GASK1B: variants seen among roughly 807,000 people sequenced by gnomAD.
GASK1B encodes golgi associated kinase 1B, also known as Golgi-associated kinase 1B.
In GASK1B, 34 loss-of-function variants were observed where a neutral mutation model predicts 42.8. The observed-to-expected ratio is 0.79, with a 90% CI of 0.60 to 1.06. The LOEUF (loss-of-function observed/expected upper bound fraction) is 1.06. Ranked by LOEUF, GASK1B falls within the 50% of genes least tolerant of loss-of-function variation. The probability of loss-of-function intolerance (pLI) is 0.00; values close to 1 mark genes in which losing one functional copy is unlikely to be tolerated. For missense variants in GASK1B, 686 were observed against 661.0 expected (o/e 1.04, Z -0.42); for synonymous variants, 262 against 259.1 (o/e 1.01, Z -0.11).
chr4:158,157,542 G>A (rs1731802373), intron 2 of GASK1B, among the ~76,000 whole-genome samples: 1 of 152,026 alleles, frequency 6.6e-6, no homozygotes, highest in Non-Finnish European at 1.5e-5. Flanking sequence ...CACACACACA[G>A]CCTCCAAACG....
chr4:158,164,420 C>T (rs565592360), intron 2 of GASK1B, among the ~76,000 whole-genome samples: 4 of 152,200 alleles, frequency 2.6e-5, no homozygotes, highest in Non-Finnish European at 4.4e-5. Context: ...CCCGGTTCCC[C>T]GTTTGCCTAT....
At chr4:158,146,452 A>G (rs1387889002) in intron 3 of GASK1B, among the ~76,000 whole-genome samples, 1 of 152,174 alleles carries the variant, frequency 6.6e-6, no homozygotes, top group East Asian at 1.9e-4. Context: ...CAGTTGCTTA[A>G]TTCATAAGTA....
chr4:158,166,989 C>G (rs2111020142), intron 2 of GASK1B, among the ~76,000 whole-genome samples: 1 of 152,254 alleles, frequency 6.6e-6, no homozygotes, highest in South Asian at 2.1e-4. Context: ...GCCTTTCTTT[C>G]ATCTCTAAAA....
chr4:158,155,161 C>A (rs1237320130), intron 3 of GASK1B, among the ~76,000 whole-genome samples: 2 of 152,044 alleles, frequency 1.3e-5, no homozygotes, highest in Non-Finnish European at 2.9e-5. Flanking sequence ...AACTTAAGAT[C>A]GACAAAGCAG....
chr4:158,158,406 A>G (rs1731838381), intron 2 of GASK1B, among the ~76,000 whole-genome samples: 1 of 152,064 alleles, frequency 6.6e-6, no homozygotes, highest in Admixed American at 6.6e-5. Context: ...ACATATATAA[A>G]CAGATAAATG....
chr4:158,147,200 G>A (rs1381672318), intron 3 of GASK1B, among the ~76,000 whole-genome samples: 1 of 152,098 alleles, frequency 6.6e-6, no homozygotes, highest in Non-Finnish European at 1.5e-5. Flanking sequence ...GAGAAAGAGT[G>A]TATAGATAAT....
intron 2 of GASK1B, among the ~76,000 whole-genome samples, chr4:158,156,119 A>G (rs1042185964): frequency 6.6e-6 from 1 of 152,200 alleles, no homozygotes; most frequent in Non-Finnish European, 1.5e-5. Context: ...ACAACGTCCT[A>G]TGGTTAATGT....
Position 158,170,450 on chromosome 4 carries a change from C to A in GASK1B, c.910+16G>T, listed in dbSNP as rs1314301636. The stretch of plus-strand genomic sequence containing the variant: ...TCCCCAACAGCTGCAAATAACGAAG[C>A]ATGTGAATCTGTTACCTTGGATGAA... On this transcript the variant is annotated intron_variant, in intron 2 of 4. Transcript: ENST00000585682. The A allele has an allele frequency of 6.2e-6, 10 of 1,614,090 alleles. No individual in the cohort carries two copies. The highest frequency in any genetic ancestry group is 8.5e-6 in the Non-Finnish European group (10 of 1,180,044).
chr4:158,128,835 C>G (rs1247492480), intron 4 of GASK1B, among the ~76,000 whole-genome samples: 2 of 152,210 alleles, frequency 1.3e-5, no homozygotes, highest in African/African-American at 4.8e-5. Context: ...GAAGACATTA[C>G]TATATAGTTT....
intron 3 of GASK1B, among the ~76,000 whole-genome samples, chr4:158,151,553 G>A (rs748708290): frequency 3.9e-5 from 6 of 152,158 alleles, no homozygotes; most frequent in Non-Finnish European, 5.9e-5. Context: ...GCAGGATAAT[G>A]TGAACCAAAA....
At chr4:158,151,593 T>C (rs560601103) in intron 3 of GASK1B, among the ~76,000 whole-genome samples, 21 of 152,298 alleles carry the variant, frequency 1.4e-4, no homozygotes, top group African/African-American at 4.8e-4. Context: ...ACCAACTGAA[T>C]TGACCTCTAA....
At position 158,171,082 on chromosome 4, in the gene GASK1B, A is replaced by C. The variant is rs1277684209; in HGVS notation, c.294T>G (p.Asn98Lys). The C allele has an allele frequency of 6.2e-7, 1 of 1,610,362 alleles. No individual in the cohort carries two copies. The highest frequency in any genetic ancestry group is 8.5e-7 in the Non-Finnish European group (1 of 1,177,170). ...GTLAPPESQG[N>K]GSTLQPNVVY... ...CCACATTGGGCTGCAGAGTGGACCCATTGCCCTGGGACTCTGGAGGGGCCA... is the reference window on the plus strand; with the variant it reads ...CCACATTGGGCTGCAGAGTGGACCCCTTGCCCTGGGACTCTGGAGGGGCCA... Residue 98 changes from asparagine (N) to lysine (K), a missense_variant, in exon 2 of 5, where the codon AAT becomes AAG. Physicochemically the swap from Asn to Lys is moderately conservative, Grantham distance 94 (BLOSUM62 0). Transcript: ENST00000585682.
chr4:158,137,152 G>T (rs751807217), intron 3 of GASK1B, among the ~76,000 whole-genome samples: 1 of 152,076 alleles, frequency 6.6e-6, no homozygotes, highest in Non-Finnish European at 1.5e-5. Flanking sequence ...TCTTTATGTG[G>T]GTTTAAATTA....
In GASK1B at chr4:158,136,911, T is replaced by C. The variant is rs537137965; in HGVS notation, c.1126-5899A>G. On this transcript the variant is annotated intron_variant, in intron 3 of 4. Coordinates refer to ENST00000585682, the MANE Select transcript of GASK1B (RefSeq NM_001128424.2). Reference sequence around the variant, plus strand: ...CACATAGTAGGTACTCAATAAATGTTTGTTATTGAATGAACCCTGCTGAAA... The same window carrying C: ...CACATAGTAGGTACTCAATAAATGTCTGTTATTGAATGAACCCTGCTGAAA... 5.4e-4 allele frequency among the ~76,000 whole-genome samples: 82 copies of C among 152,238 alleles called. 1 individual carries two copies. Among genetic ancestry groups the C allele is most frequent in the Non-Finnish European group, 9.4e-4 (64 of 68,048 alleles).
intron 3 of GASK1B, among the ~76,000 whole-genome samples, chr4:158,136,052 T>G (rs1730877917): frequency 6.6e-6 from 1 of 152,198 alleles, no homozygotes; most frequent in Admixed American, 6.5e-5. Context: ...GCAAAATTAT[T>G]CTATCAAATT....
intron 3 of GASK1B, among the ~76,000 whole-genome samples, chr4:158,145,690 A>G (rs954318796): frequency 1.3e-5 from 2 of 152,152 alleles, no homozygotes; most frequent in Admixed American, 1.3e-4. Flanking sequence ...TGCTGTGATT[A>G]TCTGTCCCTT....
rs567125111 is a variant in GASK1B at position 158,144,210 on chromosome 4, T to C, written c.1125+11401A>G. 5.9e-5 allele frequency among the ~76,000 whole-genome samples: 9 copies of C among 152,316 alleles called. No homozygotes were observed. The South Asian group carries it at 1.9e-3, about 32-fold the overall frequency. ...TATGCTCACTTATTGCAAGCAGTAC[T>C]GAGAAGAATAAGATTGTAACGCTGC... On this transcript the variant is annotated intron_variant, in intron 3 of 4. Coordinates refer to ENST00000585682, the MANE Select transcript of GASK1B (RefSeq NM_001128424.2).
chr4:158,171,123 G>T lies in GASK1B; in HGVS notation c.253C>A (p.Pro85Thr), dbSNP rs766194682. 1.2e-6 allele frequency: 2 copies of T among 1,609,112 alleles called. No individual in the cohort carries two copies. The highest frequency in any genetic ancestry group is 1.1e-5 in the South Asian group (1 of 90,760). The part of the protein sequence containing the change: ...DTAEPSFPEI[P>T]LDGTLAPPES... ...GGAGGGGCCAGGGTACCATCCAGGG[G>T]TATCTCAGGGAAGGATGGCTCGGCG... Residue 85 changes from proline (P) to threonine (T), a missense_variant, in exon 2 of 5, where the codon CCC (proline) becomes ACC (threonine). Pro to Thr is a conservative substitution (Grantham distance 38). Transcript: ENST00000585682.
In GASK1B at chr4:158,126,558, TTG is replaced by T. The variant is rs1156875127; in HGVS notation, c.*847_*848del. On this transcript the variant is annotated 3_prime_UTR_variant, in exon 5 of 5. Coordinates refer to ENST00000585682, the MANE Select transcript of GASK1B (RefSeq NM_001128424.2). The stretch of plus-strand genomic sequence containing the variant: ...TAAAATATACATAAATTATATTACA[TTG>T]TTGGTAAAAGTAACAAAATTTTTAA... The T allele has an allele frequency of 1.3e-5, 2 of 152,116 alleles. No homozygotes were observed. The highest frequency in any genetic ancestry group is 4.8e-5 in the African/African-American group (2 of 41,452). The allele number at this position is 152,116 out of a possible 1,614,324, so 9.4% of individuals were successfully genotyped here.
Sources: gnomAD v4.1 joint callset for allele counts (sites outside exome capture counted in the v4.1 genomes callset) on GRCh38, gnomAD v4.1.1 for gene constraint, MANE v1.5 for transcripts, NCBI Gene and HGNC (gene_info 2026-07-23, HGNC 2026-07-21) for gene names.